The following PBX3 variants were observed in gnomAD, a reference collection of about 807,000 sequenced individuals.
PBX3 encodes the protein pre-B-cell leukemia transcription factor 3.
PBX3 carries 14 observed loss-of-function variants against 48.5 expected under a neutral mutation model. That is an observed-to-expected ratio of 0.29 (90% CI 0.19 to 0.45). The LOEUF (loss-of-function observed/expected upper bound fraction) is 0.45, where lower values mean the gene tolerates loss of function less well. Among genes scored for constraint, PBX3 ranks in the 20% least tolerant of loss-of-function variants. PBX3 has a pLI of 1.00. For missense variants in PBX3, 386 were observed against 546.7 expected, an observed-to-expected ratio of 0.71 and a Z score of 2.93; for synonymous variants, 210 against 200.3, an observed-to-expected ratio of 1.05 and a Z score of -0.41.
intron 2 of PBX3, among the ~76,000 whole-genome samples, chr9:125,755,683 T>G (rs1352223052): frequency 1.3e-5 from 2 of 150,100 alleles, no homozygotes; most frequent in Admixed American, 6.6e-5. Flanking sequence ...TTTTTTTTTT[T>G]TTTTTTTTTT....
chr9:125,928,934 T>A (rs1030603685), intron 3 of PBX3, among the ~76,000 whole-genome samples: 8 of 152,220 alleles, frequency 5.3e-5, no homozygotes, highest in Admixed American at 3.9e-4. Flanking sequence ...AGGCCCTTTA[T>A]GTGCTAATTC....
At chr9:125,848,071 T>C (rs1335419157) in intron 2 of PBX3, among the ~76,000 whole-genome samples, 2 of 152,020 alleles carry the variant, frequency 1.3e-5, no homozygotes, top group Non-Finnish European at 2.9e-5. Context: ...TCATTGGTGC[T>C]CCTTTATCCT....
At chr9:125,783,351 G>A (rs540858961) in intron 2 of PBX3, among the ~76,000 whole-genome samples, 4 of 152,036 alleles carry the variant, frequency 2.6e-5, no homozygotes, top group East Asian at 1.9e-4. Context: ...GCAGTGGCAC[G>A]ATCTCAGCTC....
chr9:125,863,054 C>T (rs1839900036), intron 2 of PBX3, among the ~76,000 whole-genome samples: 1 of 151,978 alleles, frequency 6.6e-6, no homozygotes, highest in Non-Finnish European at 1.5e-5. Context: ...CATGCCACTA[C>T]ACCTAGCTAA....
chr9:125,864,188 A>C (rs1755065926), intron 2 of PBX3, among the ~76,000 whole-genome samples: 1 of 152,238 alleles, frequency 6.6e-6, no homozygotes, highest in Non-Finnish European at 1.5e-5. Context: ...AGCATTTCTT[A>C]AAATTTTGTG....
chr9:125,836,256 C>T (rs1173365372), intron 2 of PBX3, among the ~76,000 whole-genome samples: 4 of 152,070 alleles, frequency 2.6e-5, no homozygotes, highest in African/African-American at 9.7e-5. Context: ...CCATCCTGGC[C>T]AACATGGTGA....
chr9:125,821,936 T>A (rs1161451339), intron 2 of PBX3, among the ~76,000 whole-genome samples: 1 of 152,066 alleles, frequency 6.6e-6, no homozygotes, highest in Non-Finnish European at 1.5e-5. Flanking sequence ...TTGAATTGAT[T>A]ATGTTAGAAT....
chr9:125,875,193 A>G (rs1366438184), intron 2 of PBX3, among the ~76,000 whole-genome samples: 1 of 152,220 alleles, frequency 6.6e-6, no homozygotes, highest in African/African-American at 2.4e-5. Flanking sequence ...TGCCCTTTAG[A>G]AAAAGTAACT....
intron 5 of PBX3, among the ~76,000 whole-genome samples, chr9:125,951,336 G>A (rs1486205826): frequency 2.6e-5 from 4 of 152,132 alleles, no homozygotes; most frequent in African/African-American, 9.7e-5. Context: ...GGCGCTCTTG[G>A]TCTTCTGTGG....
intron 2 of PBX3, among the ~76,000 whole-genome samples, chr9:125,777,848 A>T (rs549726163): frequency 5.8e-4 from 89 of 152,190 alleles, no homozygotes; most frequent in Non-Finnish European, 7.5e-4. Flanking sequence ...CTTCCAAGTT[A>T]TCTAATTTGT....
At chr9:125,780,865 CCT>C (rs1837270769) in intron 2 of PBX3, among the ~76,000 whole-genome samples, 1 of 149,478 alleles carries the variant, frequency 6.7e-6, no homozygotes, top group Non-Finnish European at 1.5e-5. Context: ...CAGAGGGACT[CCT>C]CACTTCTCAG....
chr9:125,753,787 A>G (rs1293551315), intron 2 of PBX3, among the ~76,000 whole-genome samples: 1 of 152,086 alleles, frequency 6.6e-6, no homozygotes, highest in African/African-American at 2.4e-5. Flanking sequence ...ACACTGGTTG[A>G]TCGGCTTTCA....
intron 2 of PBX3, among the ~76,000 whole-genome samples, chr9:125,783,699 A>G (rs1401586972): frequency 2.0e-5 from 3 of 152,030 alleles, no homozygotes. Context: ...CTTCAAGCAT[A>G]TTCACAACTT....
intron 2 of PBX3, among the ~76,000 whole-genome samples, chr9:125,856,941 A>T (rs545786113): frequency 3.9e-5 from 6 of 152,320 alleles, no homozygotes; most frequent in Admixed American, 3.9e-4. Context: ...TATTGGTGCC[A>T]TATGTCCTGT....
At chr9:125,912,214 A>G (rs1168382339) in intron 2 of PBX3, among the ~76,000 whole-genome samples, 2 of 152,162 alleles carry the variant, frequency 1.3e-5, no homozygotes, top group Non-Finnish European at 2.9e-5. Context: ...AAGCTTGCCT[A>G]TATATTAATG....
chr9:125,762,787 T>G (rs1836704070), intron 2 of PBX3, among the ~76,000 whole-genome samples: 1 of 152,186 alleles, frequency 6.6e-6, no homozygotes, highest in Admixed American at 6.5e-5. Flanking sequence ...TGTAAATGTC[T>G]AAAACAAGGA....
At chr9:125,748,494 C>T in intron 1 of PBX3, 56 bp from the exon 2 acceptor site, 1 of 1,580,944 alleles carries the variant, frequency 6.3e-7, no homozygotes, top group South Asian at 1.1e-5. Context: ...AAGGAAGGCG[C>T]CATATTATTC....
chr9:125,834,959 G>T (rs564408105), intron 2 of PBX3, among the ~76,000 whole-genome samples: 3 of 130,588 alleles, frequency 2.3e-5, no homozygotes, highest in Non-Finnish European at 4.7e-5. Flanking sequence ...AGAAGTTGCA[G>T]TGAGCCAAGT....
chr9:125,920,406 GCCT>G (rs1237656856), intron 3 of PBX3, among the ~76,000 whole-genome samples: 4 of 152,118 alleles, frequency 2.6e-5, no homozygotes, highest in Non-Finnish European at 5.9e-5. Context: ...AGAAGTAAAG[GCCT>G]CCTATTGAGC....
Sources: gnomAD v4.1 joint callset for allele counts (sites outside exome capture counted in the v4.1 genomes callset) on GRCh38, gnomAD v4.1.1 for gene constraint, MANE v1.5 for transcripts, NCBI Gene and HGNC (gene_info 2026-07-23, HGNC 2026-07-21) for gene names.